The following PALMD variants were observed in gnomAD, a reference collection of about 807,000 sequenced individuals.
The protein encoded by PALMD is palmdelphin.
A neutral mutation model predicts 56.2 loss-of-function variants in PALMD; 42 were observed. That is an observed-to-expected ratio of 0.75 (90% CI 0.58 to 0.97). PALMD has a LOEUF of 0.97. PALMD is among the 50% of genes least tolerant of loss of function. PALMD has a pLI of 0.00. For synonymous variants in PALMD, 242 were observed against 222.9 expected, an observed-to-expected ratio of 1.09 and a Z score of -0.76; for missense variants, 660 against 643.8, an observed-to-expected ratio of 1.03 and a Z score of -0.27.
chr1:99,665,912 T>C (rs1652949281), intron 2 of PALMD, among the ~76,000 whole-genome samples: 1 of 152,172 alleles, frequency 6.6e-6, no homozygotes, highest in South Asian at 2.1e-4. Context: ...AAAACATTTT[T>C]GCAAACAGCT....
At chr1:99,661,757 A>C (rs2039762153) in intron 1 of PALMD, among the ~76,000 whole-genome samples, 2 of 152,218 alleles carry the variant, frequency 1.3e-5, no homozygotes, top group South Asian at 4.1e-4. Context: ...GTTTTGTTTT[A>C]CCTGAGCTAA....
At chr1:99,661,469 C>T (rs1652844698) in intron 1 of PALMD, among the ~76,000 whole-genome samples, 1 of 152,086 alleles carries the variant, frequency 6.6e-6, no homozygotes, top group South Asian at 2.1e-4. Flanking sequence ...GAAACTTTTA[C>T]ATATATCAGT....
chr1:99,683,170 C>T (rs17120897), intron 3 of PALMD: 3 of 142,676 alleles, frequency 2.1e-5, no homozygotes, highest in Non-Finnish European at 3.1e-5. Flanking sequence ...AAGAAAGAAA[C>T]GAACACCCTA....
intron 1 of PALMD, among the ~76,000 whole-genome samples, chr1:99,658,312 A>AAAAAAG (rs1557667875): frequency 6.6e-6 from 1 of 151,800 alleles, no homozygotes; most frequent in African/African-American, 2.4e-5. Flanking sequence ...TCAAAAAAAA[A>AAAAAAG]AAAAAAGAAA....
At chr1:99,677,243 T>C (rs1003231153) in intron 3 of PALMD, among the ~76,000 whole-genome samples, 3 of 151,060 alleles carry the variant, frequency 2.0e-5, no homozygotes, top group Non-Finnish European at 2.9e-5. Context: ...ATTCTGCAAA[T>C]CAATGAAAAA....
chr1:99,678,879 T>A (rs1029179637), intron 3 of PALMD, among the ~76,000 whole-genome samples: 1 of 151,988 alleles, frequency 6.6e-6, no homozygotes, highest in Non-Finnish European at 1.5e-5. Context: ...TAATCCCAGC[T>A]TTTAGGGAGG....
intron 3 of PALMD, among the ~76,000 whole-genome samples, chr1:99,681,067 C>G (rs1653328697): frequency 6.6e-6 from 1 of 150,434 alleles, no homozygotes; most frequent in African/African-American, 2.5e-5. Context: ...TTTTCCCCAG[C>G]AAATAGACTA....
rs189967795 is a variant in PALMD at position 99,680,629 on chromosome 1, C to A, written c.252-6047C>A. On this transcript the variant is annotated intron_variant, in intron 3 of 7. Transcript: ENST00000263174. ...AGGTAATACCTTCTAAAGATGGGGA[C>A]GGCAGCACTTATGGAAATTCTAACC... is the stretch of plus-strand genomic sequence containing the variant. 4.6e-5 allele frequency among the ~76,000 whole-genome samples: 7 copies of A among 152,170 alleles called. No individual in the cohort carries two copies. The East Asian group carries it at 1.4e-3, about 29-fold the overall frequency.
chr1:99,661,932 C>A (rs1652855402), intron 1 of PALMD, among the ~76,000 whole-genome samples: 1 of 152,180 alleles, frequency 6.6e-6, no homozygotes, highest in Non-Finnish European at 1.5e-5. Flanking sequence ...CCAGAGGCTT[C>A]TTCAACCTTG....
chr1:99,681,194 C>A (rs1006321492), intron 3 of PALMD, among the ~76,000 whole-genome samples: 2 of 151,514 alleles, frequency 1.3e-5, no homozygotes, highest in Non-Finnish European at 2.9e-5. Flanking sequence ...TGGACTAACC[C>A]GCTGAGCAGA....
intron 1 of PALMD, among the ~76,000 whole-genome samples, chr1:99,657,306 G>C (rs1652750072): frequency 6.6e-6 from 1 of 152,050 alleles, no homozygotes; most frequent in Non-Finnish European, 1.5e-5. Flanking sequence ...TCCTTCTCCT[G>C]ATACTCCTCT....
At chr1:99,684,476 G>A (rs977373836) in intron 3 of PALMD, 2 of 152,134 alleles carry the variant, frequency 1.3e-5, no homozygotes, top group African/African-American at 2.4e-5. Context: ...TAGATGCTAA[G>A]TAAATATTTT....
At chr1:99,688,230 C>T (rs1319640773) in intron 6 of PALMD, among the ~76,000 whole-genome samples, 1 of 152,102 alleles carries the variant, frequency 6.6e-6, no homozygotes, top group African/African-American at 2.4e-5. Flanking sequence ...CCCAGTTCTA[C>T]ATTTAAACAG....
At chr1:99,668,826 T>G (rs1339689153) in intron 3 of PALMD, 1 of 152,144 alleles carries the variant, frequency 6.6e-6, no homozygotes, top group African/African-American at 2.4e-5. Context: ...ATTATTAGTA[T>G]TATCACATGC....
chr1:99,648,923 A>G, intron 1 of PALMD, among the ~76,000 whole-genome samples: 1 of 150,362 alleles, frequency 6.7e-6, no homozygotes, highest in African/African-American at 2.4e-5. Flanking sequence ...CACATTAAGT[A>G]GTTGAAATGT....
At chr1:99,650,610 G>T (rs1414897423) in intron 1 of PALMD, among the ~76,000 whole-genome samples, 1 of 152,182 alleles carries the variant, frequency 6.6e-6, no homozygotes, top group Non-Finnish European at 1.5e-5. Flanking sequence ...GACAGTTAGT[G>T]ACCCAAAAGC....
chr1:99,649,225 C>T (rs1652512624), intron 1 of PALMD, among the ~76,000 whole-genome samples: 1 of 152,148 alleles, frequency 6.6e-6, no homozygotes. Flanking sequence ...TACCCCTTTG[C>T]CTAGAAGTTC....
intron 3 of PALMD, among the ~76,000 whole-genome samples, chr1:99,672,343 A>C (rs1179663157): frequency 6.6e-6 from 1 of 152,146 alleles, no homozygotes. Context: ...ACTTTGCTTA[A>C]ATAGAGTTTC....
chr1:99,683,059 AGAGAGAGAG>A (rs1653394137), intron 3 of PALMD, among the ~76,000 whole-genome samples: 1 of 16,224 alleles, frequency 6.2e-5, no homozygotes, highest in African/African-American at 5.6e-4. Flanking sequence ...AAAGAAAGAG[AGAGAGAGAG>A]AGAGAGAGAG....
Sources: gnomAD v4.1 joint callset for allele counts (sites outside exome capture counted in the v4.1 genomes callset) on GRCh38, gnomAD v4.1.1 for gene constraint, MANE v1.5 for transcripts, NCBI Gene and HGNC (gene_info 2026-07-23, HGNC 2026-07-21) for gene names.